OLFM3: variants seen among roughly 807,000 people sequenced by gnomAD.
The protein encoded by OLFM3 is noelin-3.
OLFM3 carries 20 observed loss-of-function variants against 48.6 expected under a neutral mutation model. The ratio of observed to expected loss-of-function variants is 0.41; its 90% confidence interval spans 0.29 to 0.60. The LOEUF (loss-of-function observed/expected upper bound fraction) is 0.60. OLFM3 is among the 20% of genes least tolerant of loss of function. The pLI is 0.28. For missense variants in OLFM3, 437 were observed against 544.3 expected (o/e 0.80, Z 1.96); for synonymous variants, 222 against 198.1 (o/e 1.12, Z -1.01).
intron 4 of OLFM3, among the ~76,000 whole-genome samples, chr1:101,823,607 C>T (rs1400270349): frequency 1.3e-5 from 2 of 151,962 alleles, no homozygotes. Flanking sequence ...TATCCTACAA[C>T]ATAAGGAATC....
chr1:101,875,344 T>C (rs1657255643), intron 1 of OLFM3, among the ~76,000 whole-genome samples: 1 of 151,874 alleles, frequency 6.6e-6, no homozygotes, highest in Non-Finnish European at 1.5e-5. Flanking sequence ...ACTGTGGAGT[T>C]TAGTTAGTGT....
intron 1 of OLFM3, among the ~76,000 whole-genome samples, chr1:101,884,513 CA>C (rs773525961): frequency 3.7e-4 from 56 of 151,494 alleles, no homozygotes; most frequent in Non-Finnish European, 6.9e-4. Context: ...CAAAAAAAAA[CA>C]GACAAAAAAT....
chr1:101,837,527 T>C (rs1263579281), intron 1 of OLFM3: 2 of 152,220 alleles, frequency 1.3e-5, no homozygotes, highest in Non-Finnish European at 2.9e-5. Context: ...AAAGAGATCA[T>C]TGACGACATA....
chr1:101,858,382 G>A (rs919008509), intron 1 of OLFM3, among the ~76,000 whole-genome samples: 9 of 151,950 alleles, frequency 5.9e-5, no homozygotes, highest in African/African-American at 2.2e-4. Flanking sequence ...CTAGAGATCA[G>A]GAACTAATGC....
Position 101,866,023 on chromosome 1 carries a change from C to T in OLFM3, c.70-28998G>A, listed in dbSNP as rs911508731. ...TTCCAAATGCATACAGAAGAGAAAA[C>T]AGCAATCATATTTCATCAGCTGAAG... On this transcript the variant is annotated intron_variant, in intron 1 of 5. Coordinates refer to ENST00000370103, the MANE Select transcript of OLFM3 (RefSeq NM_058170.4). 1.4e-4 allele frequency among the ~76,000 whole-genome samples: 22 copies of T among 152,076 alleles called. 1 individual carries two copies. The highest frequency in any genetic ancestry group is 2.8e-4 in the Non-Finnish European group (19 of 67,988).
chr1:101,932,597 C>T (rs1050288845), intron 1 of OLFM3, among the ~76,000 whole-genome samples: 8 of 152,198 alleles, frequency 5.3e-5, no homozygotes, highest in African/African-American at 1.7e-4. Context: ...AGTGAAATCC[C>T]TAACGGCATG....
chr1:101,991,703 T>C (rs1046707213), intron 1 of OLFM3, among the ~76,000 whole-genome samples: 1 of 149,838 alleles, frequency 6.7e-6, no homozygotes. Context: ...AGGAAACGTG[T>C]TGGTTTTCAG....
chr1:101,825,803 T>C (rs1654835259), intron 3 of OLFM3, among the ~76,000 whole-genome samples: 2 of 152,174 alleles, frequency 1.3e-5, no homozygotes, highest in South Asian at 4.1e-4. Context: ...ACCAACTTTG[T>C]TTTTCCTTTG....
At chr1:101,894,966 G>C (rs1387585597) in intron 1 of OLFM3, among the ~76,000 whole-genome samples, 1 of 152,094 alleles carries the variant, frequency 6.6e-6, no homozygotes, top group Non-Finnish European at 1.5e-5. Flanking sequence ...GGATACAGGG[G>C]ACATGATCCC....
chr1:101,844,374 A>G (rs988098653), intron 1 of OLFM3, among the ~76,000 whole-genome samples: 3 of 152,130 alleles, frequency 2.0e-5, no homozygotes, highest in Non-Finnish European at 4.4e-5. Flanking sequence ...AGGGACATGG[A>G]AACAATCTGA....
chr1:101,843,221 C>T (rs1004531227), intron 1 of OLFM3, among the ~76,000 whole-genome samples: 2 of 152,134 alleles, frequency 1.3e-5, no homozygotes, highest in African/African-American at 4.8e-5. Context: ...TGAAAATGTA[C>T]CAAAACAAAT....
At chr1:101,905,220 A>G (rs1658513460) in intron 1 of OLFM3, among the ~76,000 whole-genome samples, 1 of 152,110 alleles carries the variant, frequency 6.6e-6, no homozygotes, top group Non-Finnish European at 1.5e-5. Context: ...GCAAAACTCT[A>G]ATGTAACTGT....
intron 2 of OLFM3, among the ~76,000 whole-genome samples, chr1:101,831,807 A>G (rs1328180329): frequency 2.0e-5 from 3 of 152,244 alleles, no homozygotes; most frequent in Non-Finnish European, 4.4e-5. Context: ...TATGTCTATT[A>G]AAGTTTGAGA....
At chr1:101,825,286 C>T (rs1654810596) in intron 3 of OLFM3, 41 bp from the exon 4 acceptor site, 1 of 1,462,402 alleles carries the variant, frequency 6.8e-7, no homozygotes, top group African/African-American at 1.4e-5. Context: ...TCATTTAAAA[C>T]AGATCATGCT....
At chr1:101,941,970 C>G (rs968621154) in intron 1 of OLFM3, among the ~76,000 whole-genome samples, 3 of 152,088 alleles carry the variant, frequency 2.0e-5, no homozygotes, top group African/African-American at 4.8e-5. Flanking sequence ...CATAATAAAG[C>G]CTTTTCAAGA....
At chr1:101,902,314 G>A (rs1658413776) in intron 1 of OLFM3, among the ~76,000 whole-genome samples, 1 of 152,006 alleles carries the variant, frequency 6.6e-6, no homozygotes. Flanking sequence ...GGTTAAATTT[G>A]AGAAGTAAGT....
intron 1 of OLFM3, among the ~76,000 whole-genome samples, chr1:101,852,985 T>C (rs1000730714): frequency 1.3e-5 from 2 of 152,144 alleles, no homozygotes; most frequent in Non-Finnish European, 2.9e-5. Flanking sequence ...TCACGAGTTA[T>C]TGACTTTGTA....
intron 1 of OLFM3, among the ~76,000 whole-genome samples, chr1:101,904,877 G>A (rs540986601): frequency 4.6e-5 from 7 of 152,202 alleles, no homozygotes; most frequent in African/African-American, 1.7e-4. Context: ...CCAATGCCCA[G>A]CTAATGTCTC....
At chr1:101,983,581 A>G (rs1661157812) in intron 1 of OLFM3, among the ~76,000 whole-genome samples, 3 of 152,270 alleles carry the variant, frequency 2.0e-5, no homozygotes, top group Admixed American at 2.0e-4. Flanking sequence ...TTATTGAAAA[A>G]GTAGTTACCA....
Sources: allele counts gnomAD v4.1 joint callset (sites outside exome capture counted in the v4.1 genomes callset), GRCh38; gene constraint gnomAD v4.1.1; transcripts MANE v1.5; gene names NCBI Gene and HGNC (gene_info 2026-07-23, HGNC 2026-07-21).